The following SRRT variants were observed in gnomAD, a reference collection of about 807,000 sequenced individuals.
The protein encoded by SRRT is serrate, RNA effector molecule.
In SRRT, 32 loss-of-function variants were observed where a neutral mutation model predicts 103.2. The ratio of observed to expected loss-of-function variants is 0.31; its 90% CI spans 0.23 to 0.42. SRRT has a LOEUF of 0.42. Among genes scored for constraint, SRRT ranks in the 10% least tolerant of loss-of-function variants. The pLI, the probability that SRRT is intolerant of heterozygous loss-of-function variation, is 1.00. For missense variants in SRRT, 986 were observed against 1,207.5 expected (o/e 0.82, Z 2.72); for synonymous variants, 525 against 449.0 (o/e 1.17, Z -2.14).
At position 100,885,538 on chromosome 7, in the gene SRRT, T is replaced by C; in HGVS notation, c.1318-163T>C. ...CTAGTCCTGATAGCGCCATTGGCTT[T>C]CAGGTGCTGGTGTTCTGAAGCCCTT... is the stretch of plus-strand genomic sequence containing the variant. On this transcript the variant is annotated intron_variant, in intron 10 of 19. Transcript: ENST00000611405. The surrounding 1 kb of genome is among the most constrained non-coding windows in gnomAD (Gnocchi z 4.8). 3 of 1,075,368 alleles carry C rather than the reference T, an allele frequency of 2.8e-6. No homozygotes were observed. The East Asian group carries it at 7.8e-5, about 28-fold the overall frequency. The allele number at this position is 1,075,368 out of a possible 1,614,324, so 66.6% of individuals were successfully genotyped here. A position where few individuals can be genotyped will look rare whatever the true frequency, so the allele number is the denominator to read the frequency against.
Position 100,888,594 on chromosome 7 carries a change from C to T in SRRT, c.*45C>T, listed in dbSNP as rs1790423501. The T allele has an allele frequency of 6.2e-7, 1 of 1,609,922 alleles. No individual in the cohort carries two copies. Among genetic ancestry groups the T allele is most frequent in the South Asian group, 1.1e-5 (1 of 90,976 alleles). The stretch of plus-strand genomic sequence containing the variant: ...TCCTGTATCATCCATACTTGTACTA[C>T]CTTGTCCTATGAAGCTCTGAGAATT... On this transcript the variant is annotated 3_prime_UTR_variant, in exon 20 of 20. Coordinates refer to ENST00000611405, the MANE Select transcript of SRRT (RefSeq NM_015908.6).
intron 13 of SRRT, 81 bp from the exon 14 acceptor site, chr7:100,886,714 T>C (rs749911569): frequency 3.3e-6 from 5 of 1,495,712 alleles, no homozygotes; most frequent in Non-Finnish European, 4.6e-6. Context: ...GTCCCCTCGC[T>C]GCTCTTTCAC....
At chr7:100,886,159 G>A in intron 12 of SRRT, 88 bp from the exon 13 acceptor site, 1 of 1,457,748 alleles carries the variant, frequency 6.9e-7, no homozygotes. Flanking sequence ...ATCAATCGCT[G>A]GTGCTCAAGA....
chr7:100,883,187 CTG>C lies in SRRT; in HGVS notation c.588-879_588-878del, dbSNP rs1789739761. The C allele has an allele frequency of 2.0e-5, 3 of 152,718 alleles. No homozygotes were observed. In the East Asian group the frequency reaches 5.8e-4, roughly 29 times the overall value. 9.5% of individuals were successfully genotyped at this position (152,718 alleles called of 1,614,324 possible). ...TCGCTGTCCCCTCTCTCGAATTGCT[CTG>C]TGTCTTTGTCCTAATCTCTCAGCAC... is the stretch of plus-strand genomic sequence containing the variant. On this transcript the variant is annotated intron_variant, in intron 5 of 19. Coordinates refer to ENST00000611405, the MANE Select transcript of SRRT (RefSeq NM_015908.6).
intron 2 of SRRT, among the ~76,000 whole-genome samples, chr7:100,879,152 T>C (rs1366357748): frequency 2.0e-5 from 3 of 152,128 alleles, no homozygotes; most frequent in Non-Finnish European, 4.4e-5. Context: ...GACAGGGTTT[T>C]GCCATGTTGG....
chr7:100,886,940 A>C lies in SRRT; in HGVS notation c.1793A>C (p.Asn598Thr). 4 of 1,612,574 alleles carry C rather than the reference A, an allele frequency of 2.5e-6. No homozygotes were observed. Among genetic ancestry groups the C allele is most frequent in the Non-Finnish European group, 2.5e-6 (3 of 1,179,046 alleles). Residue 598 changes from asparagine (N) to threonine (T), a missense_variant, in exon 14 of 20, where the codon AAC becomes ACC. By Grantham distance (65) the Asn-to-Thr change is moderately conservative. Transcript: ENST00000611405. The part of the protein sequence containing the change: ...PPKEGNPAEI[N>T]VERDEKLIKV... ...AAGGAAGGGAACCCGGCAGAGATCAACGTGGAGCGGGATGAGAAGTTGATT... is the reference window on the plus strand; with the variant it reads ...AAGGAAGGGAACCCGGCAGAGATCACCGTGGAGCGGGATGAGAAGTTGATT...
At position 100,881,821 on chromosome 7, in the gene SRRT, C is replaced by G. The variant is rs918889857; in HGVS notation, c.398+16C>G. On this transcript the variant is annotated intron_variant, in intron 4 of 19. Transcript: ENST00000611405. ...TCCAGGCCAGGTAAGGGTGGGGCTT[C>G]TCAGAAGAGGGTTGGTAGGCCTGGG... is the stretch of plus-strand genomic sequence containing the variant. 2.5e-6 allele frequency: 4 copies of G among 1,587,156 alleles called. No homozygotes were observed. The highest frequency in any genetic ancestry group is 3.6e-5 in the Admixed American group (2 of 56,154).
chr7:100,883,404 A>C (rs1789761969), intron 5 of SRRT, among the ~76,000 whole-genome samples: 2 of 150,684 alleles, frequency 1.3e-5, no homozygotes, highest in African/African-American at 2.5e-5. Context: ...TTTCCCTCTG[A>C]GGTCCTATTT....
intron 2 of SRRT, among the ~76,000 whole-genome samples, chr7:100,878,453 T>G (rs1031191164): frequency 6.6e-6 from 1 of 152,170 alleles, no homozygotes; most frequent in African/African-American, 2.4e-5. Context: ...ATAATCCAGG[T>G]CCATTGAAAG....
chr7:100,884,588 A>T, intron 7 of SRRT, 36 bp downstream of exon 7: 1 of 584,584 alleles, frequency 1.7e-6, no homozygotes, highest in Non-Finnish European at 2.9e-6. Flanking sequence ...TGTCCCTGGC[A>T]GCCTGGGGGA....
intron 2 of SRRT, among the ~76,000 whole-genome samples, chr7:100,881,026 ATC>A (rs1351562779): frequency 6.6e-6 from 1 of 151,812 alleles, no homozygotes; most frequent in Non-Finnish European, 1.5e-5. Flanking sequence ...TTAGTCTGGT[ATC>A]TCAGGGTGTA....
chr7:100,881,227 T>C, intron 2 of SRRT, 58 bp from the exon 3 acceptor site: 1 of 1,568,384 alleles, frequency 6.4e-7, no homozygotes, highest in Non-Finnish European at 8.7e-7. Flanking sequence ...GTGCTTGGAT[T>C]ACAGGCATGA....
At position 100,888,124 on chromosome 7, in the gene SRRT, C is replaced by G. The variant is rs927534284; in HGVS notation, c.2409C>G (p.Pro803=). Residue 803 remains proline, a synonymous_variant, in exon 18 of 20, where the codon CCC becomes CCG. Coordinates refer to ENST00000611405, the MANE Select transcript of SRRT (RefSeq NM_015908.6). The part of the protein sequence containing the change: ...QGLMPYGQPR[P]PILGYGAGAV... Reference sequence around the variant, plus strand: ...TGATGCCCTATGGTCAGCCCCGGCCCCCGATCTTGGGCTATGGAGGTAAGT... The same window carrying G: ...TGATGCCCTATGGTCAGCCCCGGCCGCCGATCTTGGGCTATGGAGGTAAGT... The G allele has an allele frequency of 6.8e-6, 11 of 1,610,576 alleles. No individual in the cohort carries two copies. Among genetic ancestry groups the G allele is most frequent in the African/African-American group, 6.7e-5 (5 of 74,886 alleles).
In SRRT at chr7:100,884,418, C is replaced by CAGG. The variant is rs751707381; in HGVS notation, c.823_825dup (p.Glu275dup). 2.3e-5 allele frequency: 35 copies of CAGG among 1,494,144 alleles called. No individual in the cohort carries two copies. The Middle Eastern group carries it at 5.3e-4, about 23-fold the overall frequency. 92.6% of individuals were successfully genotyped at this position (1,494,144 alleles called of 1,614,324 possible). ...GGAGAATGATCTTCGCATCCTGGAG[C>CAGG]AGGAGGAGGAGGAGGAGCAGGCAGG... On this transcript the variant is annotated inframe_insertion, in exon 7 of 20. Transcript: ENST00000611405.
rs200449232 is a variant in SRRT, at chr7:100,885,345, A to G, written c.1292A>G (p.Asn431Ser). 4 of 1,613,908 alleles carry G rather than the reference A, an allele frequency of 2.5e-6. No homozygotes were observed. Among genetic ancestry groups the G allele is most frequent in the Non-Finnish European group, 2.5e-6 (3 of 1,179,854 alleles). ...CSLFMRNIAP[N>S]ISRAEIISLC... ...CTCTTCATGCGCAACATCGCGCCCA[A>G]CATCTCCCGGGCCGAGATCATCTCC... is the stretch of plus-strand genomic sequence containing the variant. The change falls in exon 10 of 20, where the codon AAC becomes AGC. Residue 431 changes from asparagine to serine, a missense_variant. Coordinates refer to ENST00000611405, the MANE Select transcript of SRRT (RefSeq NM_015908.6). This position sits in a 1 kb window ranked among gnomAD's most constrained non-coding sequence, Gnocchi z 4.8.
In SRRT at chr7:100,887,597, C is replaced by G; in HGVS notation, c.2169+84C>G. 6.3e-7 allele frequency: 1 copy of G among 1,579,644 alleles called. No individual in the cohort carries two copies. The highest frequency in any genetic ancestry group is 8.6e-7 in the Non-Finnish European group (1 of 1,159,828). On this transcript the variant is annotated intron_variant, in intron 16 of 19. Transcript: ENST00000611405. The surrounding 1 kb of genome is among the most constrained non-coding windows in gnomAD (Gnocchi z 4.1). ...AGCCCCCTGGGCAGGGGTGGGGGAACTGCTTACTGCACTGGCAGGCGGGAG... is the reference window on the plus strand; with the variant it reads ...AGCCCCCTGGGCAGGGGTGGGGGAAGTGCTTACTGCACTGGCAGGCGGGAG...
chr7:100,888,269 G>T lies in SRRT; in HGVS notation c.2441G>T (p.Arg814Leu). 3 of 1,609,158 alleles carry T rather than the reference G, an allele frequency of 1.9e-6. No individual in the cohort carries two copies. Residue 814 changes from arginine (R) to leucine (L), a missense_variant, in exon 19 of 20, where the codon CGC (arginine) becomes CTC (leucine). By Grantham distance (102) the Arg-to-Leu change is moderately radical. Transcript: ENST00000611405. ...ATCTCTGTCATAGCTGGTGCTGTCC[G>T]CCCTGCAGTCCCCACAGGAGGCCCT... ...PILGYGAGAV[R>L]PAVPTGGPPY... is the part of the protein sequence containing the mutation.
Position 100,882,579 on chromosome 7 carries a change from C to A in SRRT, c.587+338C>A, listed in dbSNP as rs1789681373. ...CCCTGATCACCAGGACCCTGTGTGGCTGTGGCGTCCTCCTAAAGCGACGAG... is the reference window on the plus strand; with the variant it reads ...CCCTGATCACCAGGACCCTGTGTGGATGTGGCGTCCTCCTAAAGCGACGAG... On this transcript the variant is annotated intron_variant, in intron 5 of 19. Coordinates refer to ENST00000611405, the MANE Select transcript of SRRT (RefSeq NM_015908.6). The surrounding 1 kb of genome is among the most constrained non-coding windows in gnomAD (Gnocchi z 4.2). The A allele has an allele frequency of 1.8e-5, 4 of 216,970 alleles. No individual in the cohort carries two copies. The highest frequency in any genetic ancestry group is 3.6e-5 in the Non-Finnish European group (4 of 110,530). 13.4% of individuals were successfully genotyped at this position (216,970 alleles called of 1,614,324 possible).
chr7:100,886,218 G>C (rs753822508), intron 12 of SRRT, 29 bp from the exon 13 acceptor site: 2 of 1,599,420 alleles, frequency 1.3e-6, no homozygotes, highest in Non-Finnish European at 1.7e-6. Flanking sequence ...GGTAAGTGGG[G>C]TAAGCTGCTG....
Sources: gnomAD v4.1 joint callset for allele counts (sites outside exome capture counted in the v4.1 genomes callset) on GRCh38, gnomAD v4.1.1 for gene constraint, Gnocchi (gnomAD v3.1) non-coding constraint, MANE v1.5 for transcripts, NCBI Gene and HGNC (gene_info 2026-07-23, HGNC 2026-07-21) for gene names.